The following WASHC3 variants were observed in gnomAD, a reference collection of about 807,000 sequenced individuals.
WASHC3 encodes the protein WASH complex subunit 3, also known as WASH complex subunit CCDC53.
A neutral mutation model predicts 26.1 loss-of-function variants in WASHC3; 24 were observed. That is an observed-to-expected ratio of 0.92 (90% CI 0.66 to 1.29). WASHC3 has a LOEUF of 1.29. Among genes scored for constraint, WASHC3 ranks in the 50% most tolerant of loss-of-function variants. The pLI is 0.00. For synonymous variants in WASHC3, 77 were observed against 75.7 expected, an observed-to-expected ratio of 1.02 and a Z score of -0.09; for missense variants, 214 against 229.6, an observed-to-expected ratio of 0.93 and a Z score of 0.44.
chr12:102,061,390 A>T, intron 1 of WASHC3, 44 bp from the exon 2 acceptor site: 1 of 1,255,292 alleles, frequency 8.0e-7, no homozygotes. Flanking sequence ...GGAGGAACGT[A>T]CACAGTGCAA....
intron 2 of WASHC3, among the ~76,000 whole-genome samples, chr12:102,051,739 G>T (rs1878400871): frequency 1.3e-5 from 2 of 152,204 alleles, no homozygotes; most frequent in South Asian, 4.1e-4. Context: ...TTGAATGAAT[G>T]AATGACTAAG....
In WASHC3 at chr12:102,061,912, C is replaced by G; in HGVS notation, c.51G>C (p.Lys17Asn). The G allele has an allele frequency of 6.3e-7, 1 of 1,597,612 alleles. No homozygotes were observed. The highest frequency in any genetic ancestry group is 8.5e-7 in the Non-Finnish European group (1 of 1,171,310). The change falls in exon 1 of 7, where the codon AAG (lysine) becomes AAC (asparagine). Residue 17 changes from lysine (K) to asparagine (N), a missense_variant and splice_region_variant. Coordinates refer to ENST00000240079, the MANE Select transcript of WASHC3 (RefSeq NM_016053.4). ...GAGTCTAGCACCGTCTTTTACAAAC[C>G]TTGGTCAGGTCTATGCCTGACCCCA... is the stretch of plus-strand genomic sequence containing the variant. ...PLMGSGIDLT[K>N]VPAIQQKRTV...
At chr12:102,027,840 G>C (rs1336675003) in intron 5 of WASHC3, among the ~76,000 whole-genome samples, 1 of 152,026 alleles carries the variant, frequency 6.6e-6, no homozygotes, top group Non-Finnish European at 1.5e-5. Context: ...CTGTTGTTTT[G>C]TCTTATAAAT....
Position 102,039,991 on chromosome 12 carries a change from T to A in WASHC3, c.325-13A>T. 2 of 1,305,694 alleles carry A rather than the reference T, an allele frequency of 1.5e-6. No individual in the cohort carries two copies. The highest frequency in any genetic ancestry group is 2.2e-6 in the Non-Finnish European group (2 of 916,352). The allele number at this position is 1,305,694 out of a possible 1,614,324, so 80.9% of individuals were successfully genotyped here. A position where few individuals can be genotyped will look rare whatever the true frequency, so the allele number is the denominator to read the frequency against. ...GTGTACTGTTCTGCTGTAGAGAGTA[T>A]TTGGTGTAAATCTTTAGACAATTTA... On this transcript the variant is annotated splice_polypyrimidine_tract_variant and intron_variant, in intron 4 of 6. Transcript: ENST00000240079.
intron 6 of WASHC3, among the ~76,000 whole-genome samples, chr12:102,018,813 CTTAT>C (rs112741805): frequency 5.3e-5 from 8 of 150,682 alleles, no homozygotes; most frequent in African/African-American, 1.5e-4. Flanking sequence ...GAGATGAAGT[CTTAT>C]TTATTTATTT....
chr12:102,026,673 A>G (rs1031660634), intron 5 of WASHC3, among the ~76,000 whole-genome samples: 3 of 152,226 alleles, frequency 2.0e-5, no homozygotes, highest in Non-Finnish European at 4.4e-5. Context: ...CACTAAGAAA[A>G]GAATATGACA....
intron 2 of WASHC3, among the ~76,000 whole-genome samples, chr12:102,051,606 T>C (rs1878396809): frequency 6.6e-6 from 1 of 152,234 alleles, no homozygotes; most frequent in South Asian, 2.1e-4. Context: ...CAGTGCAATG[T>C]AAGAAAGCAA....
intron 2 of WASHC3, among the ~76,000 whole-genome samples, chr12:102,059,426 AAAG>A (rs1449706780): frequency 6.6e-6 from 1 of 152,218 alleles, no homozygotes; most frequent in Non-Finnish European, 1.5e-5. Context: ...TCTAGAGTTC[AAAG>A]AAGTACTAGA....
chr12:102,032,402 T>C (rs1165914433), intron 5 of WASHC3, among the ~76,000 whole-genome samples: 1 of 152,134 alleles, frequency 6.6e-6, no homozygotes, highest in Non-Finnish European at 1.5e-5. Context: ...GATCTGCCAG[T>C]AAAAAGGGGA....
At chr12:102,027,119 G>A (rs1177362058) in intron 5 of WASHC3, among the ~76,000 whole-genome samples, 2 of 152,078 alleles carry the variant, frequency 1.3e-5, no homozygotes, top group African/African-American at 4.8e-5. Context: ...ACACATTGAG[G>A]AATAATCAAA....
rs1295146526 is a variant in WASHC3 at position 102,045,915 on chromosome 12, TA to T, written c.216+138del. 14 of 567,266 alleles carry T rather than the reference TA, an allele frequency of 2.5e-5. No individual in the cohort carries two copies. The South Asian group carries it at 3.2e-4, about 13-fold the overall frequency. The allele number at this position is 567,266 out of a possible 1,614,324, so 35.1% of individuals were successfully genotyped here. On this transcript the variant is annotated intron_variant, in intron 3 of 6. Transcript: ENST00000240079. ...ATTTTCTTTGCAACTGCAGTAAAAT[TA>T]AAAACACAACCAGTATCACTTCACA... is the stretch of plus-strand genomic sequence containing the variant.
chr12:102,019,990 C>T (rs570233582), intron 6 of WASHC3, among the ~76,000 whole-genome samples: 149 of 152,298 alleles, frequency 9.8e-4, no homozygotes, highest in African/African-American at 2.9e-3. Flanking sequence ...CATCTTTTCC[C>T]TATCCACTTC....
At position 102,012,966 on chromosome 12, in the gene WASHC3, T is replaced by C; in HGVS notation, c.*142A>G. 1 of 508,692 alleles carries C rather than the reference T, an allele frequency of 2.0e-6. No individual in the cohort carries two copies. 31.5% of individuals were successfully genotyped at this position (508,692 alleles called of 1,614,324 possible). A position where few individuals can be genotyped will look rare whatever the true frequency, so the allele number is the denominator to read the frequency against. The stretch of plus-strand genomic sequence containing the variant: ...CTGGCAGGTTAAAACTGCTTTATTA[T>C]TATTTTTTTAACATAGAAGAAGCTT... On this transcript the variant is annotated 3_prime_UTR_variant, in exon 7 of 7. Coordinates refer to ENST00000240079, the MANE Select transcript of WASHC3 (RefSeq NM_016053.4).
rs79073807 is a variant in WASHC3, at chr12:102,029,147, G to A, written c.436-3109C>T. ...TCCAGTGATGTTGCTTAGAAAATTC[G>A]TTGTTTTGCTATATTCTTCCTTAGA... On this transcript the variant is annotated intron_variant, in intron 5 of 6. Transcript: ENST00000240079. Among the ~76,000 whole-genome samples the A allele has an allele frequency of 5.3e-3, 806 of 152,236 alleles. 3 individuals carry two copies. The highest frequency in any genetic ancestry group is 0.017 in the African/African-American group (705 of 41,518).
At chr12:102,030,251 C>T (rs1370626841) in intron 5 of WASHC3, among the ~76,000 whole-genome samples, 2 of 146,196 alleles carry the variant, frequency 1.4e-5, no homozygotes, top group East Asian at 4.0e-4. Context: ...GCCAAGATTG[C>T]ACCATTGCAC....
intron 5 of WASHC3, among the ~76,000 whole-genome samples, chr12:102,030,459 C>A (rs1877389142): frequency 6.6e-6 from 1 of 151,856 alleles, no homozygotes; most frequent in Non-Finnish European, 1.5e-5. Flanking sequence ...CTCCTCGAAG[C>A]TTTCAGTGAA....
chr12:102,014,443 T>C (rs1206294378), intron 6 of WASHC3, among the ~76,000 whole-genome samples: 2 of 152,088 alleles, frequency 1.3e-5, no homozygotes, highest in Non-Finnish European at 2.9e-5. Context: ...ATTAAACATT[T>C]AGGACACTTA....
intron 5 of WASHC3, among the ~76,000 whole-genome samples, chr12:102,039,267 C>T (rs1171484507): frequency 2.0e-5 from 3 of 151,410 alleles, no homozygotes; most frequent in African/African-American, 4.9e-5. Context: ...TGTGTCACTG[C>T]GCCAGGCTTT....
At chr12:102,035,270 C>T (rs907617866) in intron 5 of WASHC3, among the ~76,000 whole-genome samples, 6 of 152,114 alleles carry the variant, frequency 3.9e-5, no homozygotes, top group African/African-American at 1.4e-4. Context: ...ATGAGGCAAA[C>T]ATGCAACTAT....
Sources: gnomAD v4.1 joint callset for allele counts (sites outside exome capture counted in the v4.1 genomes callset) on GRCh38, gnomAD v4.1.1 for gene constraint, MANE v1.5 for transcripts, NCBI Gene and HGNC (gene_info 2026-07-23, HGNC 2026-07-21) for gene names.